CSMD1: variants seen among roughly 807,000 people sequenced by gnomAD.
CSMD1 encodes the protein CUB and Sushi multiple domains 1, also known as CUB and sushi domain-containing protein 1.
Under a neutral mutation model 417.5 loss-of-function variants are expected in CSMD1, and 213 were observed. That is an observed-to-expected ratio of 0.51 (90% CI 0.46 to 0.57). CSMD1 has a LOEUF of 0.57. Ranked by LOEUF, CSMD1 falls within the 20% of genes least tolerant of loss-of-function variation. CSMD1 has a pLI of 0.00. For synonymous variants in CSMD1, 2,862 were observed against 1,736.8 expected (o/e 1.65, Z -16.11); for missense variants, 6,923 against 4,529.7 (o/e 1.53, Z -15.17).
At chr8:3,439,702 T>C (rs1814844179) in intron 12 of CSMD1, among the ~76,000 whole-genome samples, 1 of 152,146 alleles carries the variant, frequency 6.6e-6, no homozygotes, top group Non-Finnish European at 1.5e-5. Context: ...ATGAATTATG[T>C]TTTGGGGGAC....
chr8:3,111,286 C>T (rs966070289), intron 42 of CSMD1, among the ~76,000 whole-genome samples: 1 of 152,162 alleles, frequency 6.6e-6, no homozygotes, highest in African/African-American at 2.4e-5. Flanking sequence ...TGTTGAACTG[C>T]ACAGATGTGT....
chr8:3,691,358 C>T (rs1264196996), intron 7 of CSMD1, among the ~76,000 whole-genome samples: 2 of 151,120 alleles, frequency 1.3e-5, no homozygotes, highest in Non-Finnish European at 2.9e-5. Flanking sequence ...CAGAGCAAGA[C>T]TCTGTCTCAA....
intron 1 of CSMD1, among the ~76,000 whole-genome samples, chr8:4,776,298 T>C (rs1286324503): frequency 6.6e-6 from 1 of 152,200 alleles, no homozygotes; most frequent in Non-Finnish European, 1.5e-5. Flanking sequence ...ATGTATATAA[T>C]ATTACTTGTT....
At position 3,725,998 on chromosome 8, in the gene CSMD1, G is replaced by A. The variant is rs551004306; in HGVS notation, c.932-17507C>T. Among the ~76,000 whole-genome samples the A allele has an allele frequency of 3.9e-5, 6 of 152,200 alleles. No individual in the cohort carries two copies. In the East Asian group the frequency reaches 1.2e-3, roughly 29 times the overall value. On this transcript the variant is annotated intron_variant, in intron 6 of 69. Transcript: ENST00000635120. ...TAATTGTGTGTGACTACGGAGACCG[G>A]GTCACTGCAAGTTCCTGCTGGCTCT...
intron 2 of CSMD1, among the ~76,000 whole-genome samples, chr8:4,467,605 CATT>C (rs962708495): frequency 1.3e-5 from 2 of 152,136 alleles, no homozygotes; most frequent in African/African-American, 4.8e-5. Context: ...AGAGTCAGTG[CATT>C]ATAACAATTC....
intron 1 of CSMD1, among the ~76,000 whole-genome samples, chr8:4,945,245 A>C (rs879797356): frequency 6.6e-6 from 1 of 152,152 alleles, no homozygotes; most frequent in East Asian, 1.9e-4. Context: ...GAGGCTGTGG[A>C]AGGGAACATG....
intron 3 of CSMD1, among the ~76,000 whole-genome samples, chr8:4,070,618 A>G (rs535319536): frequency 6.6e-6 from 1 of 152,200 alleles, no homozygotes; most frequent in South Asian, 2.1e-4. Context: ...CGGCCTCCCA[A>G]AGTGCTGGGA....
At chr8:4,103,648 A>T (rs1265736264) in intron 3 of CSMD1, among the ~76,000 whole-genome samples, 1 of 152,164 alleles carries the variant, frequency 6.6e-6, no homozygotes, top group Non-Finnish European at 1.5e-5. Flanking sequence ...AAATCTCATT[A>T]GGTATCTGAT....
chr8:3,519,114 T>C (rs534366935), intron 10 of CSMD1, among the ~76,000 whole-genome samples: 10 of 152,180 alleles, frequency 6.6e-5, no homozygotes, highest in Non-Finnish European at 1.3e-4. Flanking sequence ...GTGCAAATAT[T>C]TGGGTACTGC....
At chr8:3,365,773 T>C (rs1809522523) in intron 20 of CSMD1, among the ~76,000 whole-genome samples, 1 of 152,158 alleles carries the variant, frequency 6.6e-6, no homozygotes, top group Non-Finnish European at 1.5e-5. Context: ...TGTGTGGGGG[T>C]TGACACCCCA....
At chr8:4,845,895 A>G (rs1308806068) in intron 1 of CSMD1, among the ~76,000 whole-genome samples, 1 of 152,210 alleles carries the variant, frequency 6.6e-6, no homozygotes, top group African/African-American at 2.4e-5. Flanking sequence ...ACCGTGGCTA[A>G]CTAAAATGAC....
At chr8:4,217,658 G>A (rs1408299115) in intron 3 of CSMD1, among the ~76,000 whole-genome samples, 19 of 145,698 alleles carry the variant, frequency 1.3e-4, no homozygotes, top group South Asian at 2.2e-4. Context: ...GACCTCATCA[G>A]AAAAAAAAAA....
intron 1 of CSMD1, among the ~76,000 whole-genome samples, chr8:4,743,398 A>T (rs995539181): frequency 1.3e-5 from 2 of 152,188 alleles, no homozygotes; most frequent in African/African-American, 4.8e-5. Flanking sequence ...CATGAAACAC[A>T]GGGAGTGGTA....
At chr8:3,850,118 T>A (rs560282543) in intron 5 of CSMD1, among the ~76,000 whole-genome samples, 1 of 152,232 alleles carries the variant, frequency 6.6e-6, no homozygotes, top group Non-Finnish European at 1.5e-5. Context: ...TTTTGATACA[T>A]TTGGGCGATG....
intron 2 of CSMD1, among the ~76,000 whole-genome samples, chr8:4,444,701 T>C (rs1462180567): frequency 6.6e-6 from 1 of 152,152 alleles, no homozygotes; most frequent in African/African-American, 2.4e-5. Flanking sequence ...GCAGGGTCAC[T>C]CTAAGCACAG....
intron 54 of CSMD1, among the ~76,000 whole-genome samples, chr8:2,983,706 A>C (rs566792158): frequency 6.7e-4 from 102 of 152,326 alleles, no homozygotes; most frequent in African/African-American, 2.1e-3. Context: ...CTACAAGCAC[A>C]ATAGTTTTTA....
chr8:4,468,524 A>G (rs78691641), intron 2 of CSMD1, among the ~76,000 whole-genome samples: 1 of 152,290 alleles, frequency 6.6e-6, no homozygotes, highest in African/African-American at 2.4e-5. Flanking sequence ...ATTTCTTCTT[A>G]CATGAAGGCA....
rs1388589649 is a variant in CSMD1 at position 3,091,746 on chromosome 8, G to T, written c.7139-84C>A. The T allele has an allele frequency of 1.9e-5, 23 of 1,242,730 alleles. No homozygotes were observed. In the Middle Eastern group the frequency reaches 7.5e-4, roughly 40 times the overall value. 77.0% of individuals were successfully genotyped at this position (1,242,730 alleles called of 1,614,324 possible). A position where few individuals can be genotyped will look rare whatever the true frequency, so the allele number is the denominator to read the frequency against. The stretch of plus-strand genomic sequence containing the variant: ...ACTAGGTTTAGCTTTTGATTACACT[G>T]GAGTCTACGTGTGCAATACACAGAT... On this transcript the variant is annotated intron_variant, in intron 47 of 69. Coordinates refer to ENST00000635120, the MANE Select transcript of CSMD1 (RefSeq NM_033225.6).
At chr8:4,424,032 A>T (rs796214241) in intron 2 of CSMD1, among the ~76,000 whole-genome samples, 5 of 152,208 alleles carry the variant, frequency 3.3e-5, no homozygotes, top group African/African-American at 1.2e-4. Flanking sequence ...AACACCTTAT[A>T]TAAAAATTAC....
Sources: allele counts gnomAD v4.1 joint callset (sites outside exome capture counted in the v4.1 genomes callset), GRCh38; gene constraint gnomAD v4.1.1; transcripts MANE v1.5; gene names NCBI Gene and HGNC (gene_info 2026-07-23, HGNC 2026-07-21).